Variants in ETNK1 observed in about 807,000 individuals in gnomAD.
ETNK1 encodes the protein ethanolamine kinase 1, also known as putative protein product of Nbla10396.
ETNK1 carries 8 observed loss-of-function variants against 45.1 expected under a neutral mutation model. That is an observed-to-expected ratio of 0.18 (90% CI 0.10 to 0.32). The LOEUF is 0.32. Among genes scored for constraint, ETNK1 ranks in the 10% least tolerant of loss-of-function variants. ETNK1 has a pLI of 1.00. For synonymous variants in ETNK1, 152 were observed against 151.9 expected, an observed-to-expected ratio of 1.00 and a Z score of -0.01; for missense variants, 302 against 430.6, an observed-to-expected ratio of 0.70 and a Z score of 2.64.
intron 2 of ETNK1, among the ~76,000 whole-genome samples, chr12:22,654,854 G>A (rs1038604631): frequency 1.3e-5 from 2 of 152,086 alleles, no homozygotes; most frequent in African/African-American, 4.8e-5. Flanking sequence ...TTAGAAATTT[G>A]TTCAAAGGAA....
chr12:22,654,900 A>G (rs1953919361), intron 2 of ETNK1, among the ~76,000 whole-genome samples: 1 of 152,210 alleles, frequency 6.6e-6, no homozygotes, highest in African/African-American at 2.4e-5. Flanking sequence ...AAAAATCACT[A>G]TACTTGGAAA....
intron 6 of ETNK1, among the ~76,000 whole-genome samples, chr12:22,678,212 A>G (rs771585999): frequency 1.3e-5 from 2 of 152,200 alleles, no homozygotes; most frequent in Non-Finnish European, 2.9e-5. Context: ...TGTGATTGCA[A>G]TGTGAAATAA....
In ETNK1 at chr12:22,655,946, G is replaced by A. The variant is rs368987404; in HGVS notation, c.417-3068G>A. Among the ~76,000 whole-genome samples, 7 of 152,198 alleles carry A rather than the reference G, an allele frequency of 4.6e-5. No homozygotes were observed. The East Asian group carries it at 1.2e-3, about 25-fold the overall frequency. Reference sequence around the variant, plus strand: ...GGGGTGTTCTATAGTGATACAACTTGGCCTTTGCATCACATTATCAGTTCA... The same window carrying A: ...GGGGTGTTCTATAGTGATACAACTTAGCCTTTGCATCACATTATCAGTTCA... On this transcript the variant is annotated intron_variant, in intron 2 of 7. Coordinates refer to ENST00000266517, the MANE Select transcript of ETNK1 (RefSeq NM_018638.5).
intron 1 of ETNK1, among the ~76,000 whole-genome samples, chr12:22,627,004 G>A (rs751521391): frequency 1.1e-4 from 16 of 151,602 alleles, no homozygotes; most frequent in Non-Finnish European, 2.2e-4. Flanking sequence ...TAATTAAAAA[G>A]TGCTACTTCC....
rs2137583552 is a variant in ETNK1, at chr12:22,688,143, T to G, written c.*3189T>G. 1 of 151,874 alleles carries G rather than the reference T, an allele frequency of 6.6e-6. No individual in the cohort carries two copies. The highest frequency in any genetic ancestry group is 1.5e-5 in the Non-Finnish European group (1 of 67,732). 9.4% of individuals were successfully genotyped at this position (151,874 alleles called of 1,614,324 possible). A position where few individuals can be genotyped will look rare whatever the true frequency, so the allele number is the denominator to read the frequency against. ...TTTCCTATTTTTAGGGTTGTTAATT[T>G]TTTTCTACAAAAAAACCTTGAAATT... is the stretch of plus-strand genomic sequence containing the variant. On this transcript the variant is annotated 3_prime_UTR_variant, in exon 8 of 8. Transcript: ENST00000266517.
At chr12:22,660,899 G>A (rs1354607812) in intron 3 of ETNK1, among the ~76,000 whole-genome samples, 164 bp from the exon 4 acceptor site, 3 of 151,850 alleles carry the variant, frequency 2.0e-5, no homozygotes, top group African/African-American at 7.3e-5. Flanking sequence ...TTACTATATA[G>A]GTTTTCTTTA....
intron 1 of ETNK1, among the ~76,000 whole-genome samples, chr12:22,637,055 C>A (rs1953664778): frequency 3.9e-5 from 6 of 152,130 alleles, no homozygotes. Context: ...TGTCTGTCTC[C>A]CTGTCTTTCC....
intron 6 of ETNK1, among the ~76,000 whole-genome samples, chr12:22,680,902 C>A (rs958599265): frequency 2.9e-5 from 4 of 136,720 alleles, no homozygotes; most frequent in Admixed American, 1.5e-4. Flanking sequence ...CCCCGCCCCC[C>A]CCTCCATTAT....
intron 6 of ETNK1, among the ~76,000 whole-genome samples, chr12:22,682,061 G>C (rs955070250): frequency 6.6e-6 from 1 of 152,134 alleles, no homozygotes; most frequent in African/African-American, 2.4e-5. Context: ...TCTTTTACCT[G>C]TATGTGATTT....
At chr12:22,679,320 G>A (rs150478947) in intron 6 of ETNK1, among the ~76,000 whole-genome samples, 1 of 152,196 alleles carries the variant, frequency 6.6e-6, no homozygotes, top group Non-Finnish European at 1.5e-5. Context: ...AAGTCCAAGG[G>A]CAGGAGGAAG....
intron 1 of ETNK1, among the ~76,000 whole-genome samples, chr12:22,628,334 G>T (rs749980217): frequency 1.3e-5 from 2 of 152,052 alleles, no homozygotes; most frequent in Non-Finnish European, 2.9e-5. Context: ...GGCAGGGAAG[G>T]TGCTTCTGTA....
intron 1 of ETNK1, among the ~76,000 whole-genome samples, chr12:22,628,280 T>G (rs1275479282): frequency 1.3e-5 from 2 of 152,134 alleles, no homozygotes; most frequent in East Asian, 3.8e-4. Context: ...ATCTTATGAA[T>G]TATTGTTCTA....
At chr12:22,678,166 C>T (rs952289448) in intron 6 of ETNK1, among the ~76,000 whole-genome samples, 9 of 152,184 alleles carry the variant, frequency 5.9e-5, no homozygotes, top group African/African-American at 1.9e-4. Flanking sequence ...TAAGTATGTG[C>T]CTCTCGCATC....
intron 2 of ETNK1, among the ~76,000 whole-genome samples, chr12:22,646,447 C>T (rs1360961003): frequency 6.6e-6 from 1 of 151,538 alleles, no homozygotes; most frequent in Non-Finnish European, 1.5e-5. Flanking sequence ...TTATTTAGCC[C>T]CTTTTAAATG....
chr12:22,649,072 T>A (rs1953842547), intron 2 of ETNK1, among the ~76,000 whole-genome samples: 1 of 152,120 alleles, frequency 6.6e-6, no homozygotes, highest in African/African-American at 2.4e-5. Flanking sequence ...GTTTGTGTTC[T>A]TATTGCTGAA....
At chr12:22,648,291 T>A (rs1953832605) in intron 2 of ETNK1, among the ~76,000 whole-genome samples, 1 of 151,984 alleles carries the variant, frequency 6.6e-6, no homozygotes, top group Non-Finnish European at 1.5e-5. Flanking sequence ...TGGGCAAATA[T>A]ATAATGCATG....
At chr12:22,660,828 GT>G in intron 3 of ETNK1, among the ~76,000 whole-genome samples, 1 of 152,096 alleles carries the variant, frequency 6.6e-6, no homozygotes, top group African/African-American at 2.4e-5. Flanking sequence ...TTTTTAGTGA[GT>G]TTTTTAACTT....
chr12:22,647,306 T>A (rs1168549066), intron 2 of ETNK1, among the ~76,000 whole-genome samples: 3 of 151,920 alleles, frequency 2.0e-5, no homozygotes, highest in African/African-American at 7.2e-5. Context: ...TCAAATCAAT[T>A]GTTGCAAGTT....
intron 2 of ETNK1, among the ~76,000 whole-genome samples, chr12:22,652,765 A>C (rs1953894867): frequency 6.6e-6 from 1 of 151,780 alleles, no homozygotes; most frequent in African/African-American, 2.4e-5. Flanking sequence ...ATGATTTCCA[A>C]ATATTTTATC....
Sources: allele counts gnomAD v4.1 joint callset (sites outside exome capture counted in the v4.1 genomes callset), GRCh38; gene constraint gnomAD v4.1.1; transcripts MANE v1.5; gene names NCBI Gene and HGNC (gene_info 2026-07-23, HGNC 2026-07-21).